PTPRT: variants seen among roughly 807,000 people sequenced by gnomAD.
PTPRT encodes protein tyrosine phosphatase receptor type T.
Under a neutral mutation model 176.8 loss-of-function variants are expected in PTPRT, and 56 were observed. The observed-to-expected ratio is 0.32, with a 90% CI of 0.26 to 0.40. The LOEUF (loss-of-function observed/expected upper bound fraction) is 0.40, where lower values mean the gene tolerates loss of function less well. Among genes scored for constraint, PTPRT ranks in the 10% least tolerant of loss-of-function variants. The pLI is 1.00. For missense variants in PTPRT, 1,540 were observed against 1,908.2 expected, an observed-to-expected ratio of 0.81 and a Z score of 3.60; for synonymous variants, 783 against 739.0, an observed-to-expected ratio of 1.06 and a Z score of -0.96.
chr20:42,724,782 T>A (rs1303096584), intron 6 of PTPRT, among the ~76,000 whole-genome samples: 3 of 152,150 alleles, frequency 2.0e-5, no homozygotes, highest in Admixed American at 2.0e-4. Flanking sequence ...TAGCATAGCA[T>A]CTTCCAATCT....
chr20:42,218,680 T>A (rs951461088), intron 15 of PTPRT, among the ~76,000 whole-genome samples: 4 of 152,210 alleles, frequency 2.6e-5, no homozygotes, highest in Non-Finnish European at 5.9e-5. Flanking sequence ...TGAATCACTC[T>A]GGGAGCCAGG....
chr20:42,474,199 C>G (rs2071247610), intron 7 of PTPRT, among the ~76,000 whole-genome samples: 1 of 152,040 alleles, frequency 6.6e-6, no homozygotes, highest in Non-Finnish European at 1.5e-5. Context: ...CTGGGAGCAC[C>G]CTTATGCAAA....
At chr20:43,134,739 C>G (rs1384421271) in intron 1 of PTPRT, among the ~76,000 whole-genome samples, 1 of 152,150 alleles carries the variant, frequency 6.6e-6, no homozygotes, top group Non-Finnish European at 1.5e-5. Context: ...TACCTATTTT[C>G]TAATTGGGAG....
In PTPRT at chr20:43,102,882, T is replaced by G. The variant is rs1053678361; in HGVS notation, c.88+86764A>C. On this transcript the variant is annotated intron_variant, in intron 1 of 30. Coordinates refer to ENST00000373187, the MANE Select transcript of PTPRT (RefSeq NM_007050.6). Reference sequence around the variant, plus strand: ...TTAAACCCAAACCCTTGGCTCAAGGTGTACTTTGGGGGATGCAAAACTAAG... The same window carrying G: ...TTAAACCCAAACCCTTGGCTCAAGGGGTACTTTGGGGGATGCAAAACTAAG... Among the ~76,000 whole-genome samples the G allele has an allele frequency of 2.6e-5, 4 of 152,074 alleles. No individual in the cohort carries two copies. The East Asian group carries it at 7.7e-4, about 29-fold the overall frequency.
chr20:43,038,167 C>T (rs1986460697), intron 1 of PTPRT, among the ~76,000 whole-genome samples: 3 of 151,768 alleles, frequency 2.0e-5, no homozygotes, highest in South Asian at 4.1e-4. Context: ...TGTTACATAA[C>T]ATTCACAATA....
intron 1 of PTPRT, among the ~76,000 whole-genome samples, chr20:43,029,334 C>T (rs1986042347): frequency 6.6e-6 from 1 of 152,196 alleles, no homozygotes; most frequent in Non-Finnish European, 1.5e-5. Flanking sequence ...TTAAGTCATG[C>T]ACACAGGCCA....
chr20:42,303,266 G>T (rs1292618883), intron 12 of PTPRT, among the ~76,000 whole-genome samples: 1 of 152,202 alleles, frequency 6.6e-6, no homozygotes, highest in Non-Finnish European at 1.5e-5. Flanking sequence ...TGTAATCAAA[G>T]GCCAATTTAT....
intron 1 of PTPRT, among the ~76,000 whole-genome samples, chr20:42,958,095 C>A (rs997228716): frequency 7.0e-6 from 1 of 143,530 alleles, no homozygotes; most frequent in East Asian, 2.1e-4. Flanking sequence ...AATGACATAG[C>A]ATGCTTGCTT....
intron 7 of PTPRT, among the ~76,000 whole-genome samples, chr20:42,666,157 A>T (rs1024814749): frequency 8.5e-5 from 13 of 152,168 alleles, no homozygotes; most frequent in Non-Finnish European, 1.6e-4. Context: ...TTAGTTATGT[A>T]ACATCTCATC....
At chr20:42,586,300 G>A (rs1214387285) in intron 7 of PTPRT, among the ~76,000 whole-genome samples, 1 of 152,130 alleles carries the variant, frequency 6.6e-6, no homozygotes, top group Non-Finnish European at 1.5e-5. Context: ...CACCCCAAAG[G>A]AAATATCTAC....
At chr20:42,189,951 C>A (rs1243204677) in intron 16 of PTPRT, among the ~76,000 whole-genome samples, 1 of 152,200 alleles carries the variant, frequency 6.6e-6, no homozygotes, top group African/African-American at 2.4e-5. Flanking sequence ...GGTCAACTTT[C>A]TCAAGGCTGC....
intron 12 of PTPRT, among the ~76,000 whole-genome samples, chr20:42,289,882 T>C (rs997509683): frequency 6.6e-6 from 1 of 152,142 alleles, no homozygotes; most frequent in African/African-American, 2.4e-5. Context: ...TCTTCCTGAC[T>C]GACAAACGTG....
At chr20:42,769,944 C>T (rs2077038633) in intron 5 of PTPRT, among the ~76,000 whole-genome samples, 1 of 152,130 alleles carries the variant, frequency 6.6e-6, no homozygotes, top group Admixed American at 6.5e-5. Context: ...TTGGCGGTTG[C>T]TTGTGACAAA....
At chr20:42,455,750 A>G (rs752984428) in intron 8 of PTPRT, among the ~76,000 whole-genome samples, 13 of 152,084 alleles carry the variant, frequency 8.5e-5, no homozygotes, top group Admixed American at 1.3e-4. Flanking sequence ...CCACATATGT[A>G]TGGGTCTACT....
intron 1 of PTPRT, among the ~76,000 whole-genome samples, chr20:43,150,424 T>C (rs1459582281): frequency 7.2e-5 from 11 of 152,184 alleles, no homozygotes; most frequent in Admixed American, 3.9e-4. Context: ...GCAGCTATAA[T>C]CACAACGGTT....
chr20:42,999,616 T>A (rs1568726028), intron 1 of PTPRT, among the ~76,000 whole-genome samples: 1 of 107,558 alleles, frequency 9.3e-6, no homozygotes, highest in East Asian at 2.3e-4. Context: ...GGTTTTTTTT[T>A]TGTTGTTGTT....
chr20:43,138,936 C>T (rs544113096), intron 1 of PTPRT, among the ~76,000 whole-genome samples: 41 of 152,168 alleles, frequency 2.7e-4, no homozygotes, highest in Non-Finnish European at 5.7e-4. Flanking sequence ...AGTCATTCAC[C>T]CTCTCTGGGC....
intron 1 of PTPRT, among the ~76,000 whole-genome samples, chr20:43,160,997 T>C (rs2014679868): frequency 6.6e-6 from 1 of 152,016 alleles, no homozygotes; most frequent in African/African-American, 2.4e-5. Context: ...CAAGTGATCC[T>C]TCCACCTCAG....
chr20:42,958,941 C>G (rs926623407), intron 1 of PTPRT, among the ~76,000 whole-genome samples: 9 of 152,190 alleles, frequency 5.9e-5, no homozygotes, highest in African/African-American at 1.9e-4. Context: ...TATGATGCAA[C>G]CTCCACCCTC....
Sources: gnomAD v4.1 joint callset for allele counts (sites outside exome capture counted in the v4.1 genomes callset) on GRCh38, gnomAD v4.1.1 for gene constraint, MANE v1.5 for transcripts, NCBI Gene and HGNC (gene_info 2026-07-23, HGNC 2026-07-21) for gene names.